ASPH: variants seen among roughly 807,000 people sequenced by gnomAD.
ASPH encodes the protein aspartyl/asparaginyl beta-hydroxylase.
Under a neutral mutation model 118.4 loss-of-function variants are expected in ASPH, and 100 were observed. That is an observed-to-expected ratio of 0.84 (90% confidence interval 0.72 to 1.00). The LOEUF (loss-of-function observed/expected upper bound fraction) is 1.00, where lower values mean the gene tolerates loss of function less well. ASPH is among the 50% of genes least tolerant of loss of function. ASPH has a pLI of 0.00. For synonymous variants in ASPH, 315 were observed against 325.6 expected, an observed-to-expected ratio of 0.97 and a Z score of 0.35; for missense variants, 920 against 919.5, an observed-to-expected ratio of 1.00 and a Z score of -0.01.
At chr8:61,662,608 C>T (rs1423605580) in intron 3 of ASPH, among the ~76,000 whole-genome samples, 3 of 152,046 alleles carry the variant, frequency 2.0e-5, no homozygotes, top group Non-Finnish European at 2.9e-5. Context: ...TTAAATATTA[C>T]GCAGTTGGAT....
intron 17 of ASPH, among the ~76,000 whole-genome samples, chr8:61,565,923 G>A (rs1180683815): frequency 6.6e-6 from 1 of 152,128 alleles, no homozygotes; most frequent in Non-Finnish European, 1.5e-5. Flanking sequence ...TCTATAAATG[G>A]GAAAACAAAG....
intron 2 of ASPH, 104 bp from the exon 3 acceptor site, chr8:61,681,140 A>T (rs1202131455): frequency 2.4e-6 from 2 of 828,020 alleles, no homozygotes; most frequent in African/African-American, 3.5e-5. Context: ...AAATGTTACC[A>T]ATTAATACAA....
rs1049846772 is a variant in ASPH, at chr8:61,714,254, C to T, written c.103+15G>A. ...GAGGCGAGGCCCCAGATCCCCGCCC[C>T]GCAGGGCCTCTGACCTCTCCGGGCC... On this transcript the variant is annotated intron_variant, in intron 1 of 24. Coordinates refer to ENST00000379454, the MANE Select transcript of ASPH (RefSeq NM_004318.4). 3.4e-6 allele frequency: 5 copies of T among 1,489,296 alleles called. No individual in the cohort carries two copies. Among genetic ancestry groups the T allele is most frequent in the South Asian group, 2.5e-5 (2 of 79,298 alleles). The allele number at this position is 1,489,296 out of a possible 1,614,324, so 92.3% of individuals were successfully genotyped here.
chr8:61,607,307 G>C, intron 14 of ASPH: 1 of 702,144 alleles, frequency 1.4e-6, no homozygotes, highest in Non-Finnish European at 2.6e-6. Context: ...GCTTTCACCA[G>C]ACGCAAATGA....
At chr8:61,515,248 C>G (rs1163470720) in intron 24 of ASPH, among the ~76,000 whole-genome samples, 4 of 152,124 alleles carry the variant, frequency 2.6e-5, no homozygotes, top group African/African-American at 7.2e-5. Flanking sequence ...CCAGCATTCT[C>G]CAACCTCCTC....
intron 3 of ASPH, chr8:61,675,425 C>T (rs1471294335): frequency 4.1e-6 from 4 of 984,204 alleles, no homozygotes; most frequent in Non-Finnish European, 4.8e-6. Context: ...ATATGTCATG[C>T]TACTATCTGA....
intron 1 of ASPH, among the ~76,000 whole-genome samples, chr8:61,686,139 G>T (rs1033118598): frequency 9.9e-5 from 15 of 152,104 alleles, no homozygotes; most frequent in African/African-American, 3.6e-4. Flanking sequence ...AATTCATAAA[G>T]TATGCTTACC....
At chr8:61,606,397 A>C (rs914659096) in intron 14 of ASPH, 1 of 152,230 alleles carries the variant, frequency 6.6e-6, no homozygotes, top group African/African-American at 2.4e-5. Context: ...TACCTGAAAC[A>C]CAACTTTATC....
chr8:61,518,188 T>A, intron 22 of ASPH, 65 bp from the exon 23 acceptor site: 1 of 1,425,668 alleles, frequency 7.0e-7, no homozygotes, highest in East Asian at 2.3e-5. Flanking sequence ...CCCATTTAGA[T>A]GAGGTGAGAG....
chr8:61,684,355 C>G, intron 1 of ASPH, 167 bp from the exon 2 acceptor site: 1 of 746,034 alleles, frequency 1.3e-6, no homozygotes, highest in South Asian at 2.6e-5. Context: ...TTTCTGAAAA[C>G]AGAAAAGATT....
rs114899001 is a variant in ASPH at position 61,693,861 on chromosome 8, T to C, written c.104-9673A>G. Among the ~76,000 whole-genome samples, 642 of 152,304 alleles carry C rather than the reference T, an allele frequency of 4.2e-3. 2 individuals carry two copies. The highest frequency in any genetic ancestry group is 0.015 in the African/African-American group (624 of 41,566). ...CACTCCAGCGACTCATGAGCCTTTG[T>C]TGCTCCTCTATCAGTTCACTGCGTG... On this transcript the variant is annotated intron_variant, in intron 1 of 24. Transcript: ENST00000379454.
At chr8:61,648,943 C>T (rs192795096) in intron 5 of ASPH, among the ~76,000 whole-genome samples, 32 of 152,160 alleles carry the variant, frequency 2.1e-4, no homozygotes, top group African/African-American at 7.2e-4. Context: ...AAAAGATATA[C>T]CAGGTGCAGG....
intron 18 of ASPH, among the ~76,000 whole-genome samples, chr8:61,559,937 G>A (rs1829201905): frequency 4.1e-5 from 1 of 24,540 alleles, no homozygotes; most frequent in South Asian, 1.3e-3. Context: ...GTGTTGGTGA[G>A]GGTTGGGGGG....
intron 16 of ASPH, among the ~76,000 whole-genome samples, chr8:61,572,977 C>T (rs1833933327): frequency 6.6e-6 from 1 of 152,188 alleles, no homozygotes. Context: ...CGTCTCACCC[C>T]TAAAACTCCT....
At position 61,611,945 on chromosome 8, in the gene ASPH, A is replaced by T. The variant is rs1210996542; in HGVS notation, c.976+7033T>A. On this transcript the variant is annotated intron_variant, in intron 14 of 24. Transcript: ENST00000379454. ...GACCAAAACAAATTCCAAAGTTGAT[A>T]TAACAAATTACATACACAATCCAGT... is the stretch of plus-strand genomic sequence containing the variant. Among the ~76,000 whole-genome samples, 12 of 152,246 alleles carry T rather than the reference A, an allele frequency of 7.9e-5. No individual in the cohort carries two copies. The South Asian group carries it at 2.5e-3, about 32-fold the overall frequency.
chr8:61,631,423 C>A lies in ASPH; in HGVS notation c.934+2260G>T, dbSNP rs1233566647. 2.0e-5 allele frequency among the ~76,000 whole-genome samples: 3 copies of A among 152,086 alleles called. No homozygotes were observed. The East Asian group carries it at 5.8e-4, about 29-fold the overall frequency. ...ATACCATATTTTTACCATACTTTGT[C>A]TACGTTTAGGTATGTTTTCATACAC... On this transcript the variant is annotated intron_variant, in intron 13 of 24. Coordinates refer to ENST00000379454, the MANE Select transcript of ASPH (RefSeq NM_004318.4).
chr8:61,704,629 A>G (rs1836136669), intron 1 of ASPH, among the ~76,000 whole-genome samples: 1 of 152,200 alleles, frequency 6.6e-6, no homozygotes. Flanking sequence ...ATAAAGAATT[A>G]CCGCTCAGCA....
intron 13 of ASPH, among the ~76,000 whole-genome samples, chr8:61,621,621 C>T (rs1369640800): frequency 6.6e-6 from 1 of 152,204 alleles, no homozygotes; most frequent in Admixed American, 6.5e-5. Context: ...CCCATTTAAA[C>T]TTCTCATCAT....
intron 1 of ASPH, among the ~76,000 whole-genome samples, chr8:61,712,460 T>C (rs535714094): frequency 6.6e-6 from 1 of 152,324 alleles, no homozygotes; most frequent in East Asian, 1.9e-4. Flanking sequence ...ACTCATTACG[T>C]CACATGCAGG....
Sources: allele counts gnomAD v4.1 joint callset (sites outside exome capture counted in the v4.1 genomes callset), GRCh38; gene constraint gnomAD v4.1.1; transcripts MANE v1.5; gene names NCBI Gene and HGNC (gene_info 2026-07-23, HGNC 2026-07-21).